WWOX: variants seen among roughly 807,000 people sequenced by gnomAD.
WWOX encodes the protein WW domain containing oxidoreductase.
In WWOX, 69 loss-of-function variants were observed where a neutral mutation model predicts 46.2. That is an observed-to-expected ratio of 1.49 (90% CI 1.23 to 1.82). The LOEUF (loss-of-function observed/expected upper bound fraction) is 1.82, where lower values mean the gene tolerates loss of function less well. Ranked by LOEUF, WWOX falls within the 40% of genes most tolerant of loss-of-function variation. The pLI, the probability that WWOX is intolerant of heterozygous loss-of-function variation, is 0.00. For synonymous variants in WWOX, 359 were observed against 202.6 expected (o/e 1.77, Z -6.56); for missense variants, 919 against 542.6 (o/e 1.69, Z -6.89).
intron 8 of WWOX, among the ~76,000 whole-genome samples, chr16:78,814,485 A>G (rs1006449455): frequency 1.3e-5 from 2 of 152,156 alleles, no homozygotes; most frequent in African/African-American, 4.8e-5. Flanking sequence ...AAAAAAAATT[A>G]AGTGAACCTC....
chr16:78,748,012 G>A (rs1196683268), intron 8 of WWOX, among the ~76,000 whole-genome samples: 1 of 152,160 alleles, frequency 6.6e-6, no homozygotes, highest in Non-Finnish European at 1.5e-5. Flanking sequence ...GTCCATCTGC[G>A]CCGAAGAGTA....
Position 78,365,367 on chromosome 16 carries a change from C to T in WWOX, c.517-21493C>T, listed in dbSNP as rs1297550441. On this transcript the variant is annotated intron_variant, in intron 5 of 8. Coordinates refer to ENST00000566780, the MANE Select transcript of WWOX (RefSeq NM_016373.4). ...TTTTTTACTTGCTGGATAGTGGGTTCTGTTTATTGAGAAATATTTACATCC... is the reference window on the plus strand; with the variant it reads ...TTTTTTACTTGCTGGATAGTGGGTTTTGTTTATTGAGAAATATTTACATCC... 2.6e-5 allele frequency among the ~76,000 whole-genome samples: 4 copies of T among 152,154 alleles called. No homozygotes were observed. The South Asian group carries it at 6.2e-4, about 24-fold the overall frequency.
chr16:78,331,228 TTCATGC>T (rs1555520903), intron 5 of WWOX, among the ~76,000 whole-genome samples: 2 of 152,238 alleles, frequency 1.3e-5, no homozygotes, highest in Non-Finnish European at 2.9e-5. Context: ...TGTTAGCTTC[TTCATGC>T]TTGCGTTTCT....
chr16:78,662,337 C>G (rs953508114), intron 8 of WWOX, among the ~76,000 whole-genome samples: 3 of 152,198 alleles, frequency 2.0e-5, no homozygotes, highest in African/African-American at 7.2e-5. Context: ...TCTGCATATA[C>G]AGGACTGGAA....
At chr16:78,927,257 G>C (rs963933081) in intron 8 of WWOX, among the ~76,000 whole-genome samples, 5 of 152,150 alleles carry the variant, frequency 3.3e-5, no homozygotes, top group African/African-American at 4.8e-5. Flanking sequence ...CATTTAGTCC[G>C]AGCTTCAGGG....
chr16:78,970,788 C>T (rs771809990), intron 8 of WWOX, among the ~76,000 whole-genome samples: 1 of 152,116 alleles, frequency 6.6e-6, no homozygotes, highest in Non-Finnish European at 1.5e-5. Flanking sequence ...GGCAACTAAA[C>T]CCAGCTTTTG....
intron 8 of WWOX, among the ~76,000 whole-genome samples, chr16:78,668,622 T>G (rs1357006111): frequency 6.6e-6 from 1 of 151,878 alleles, no homozygotes; most frequent in Non-Finnish European, 1.5e-5. Context: ...GGGGAACAGG[T>G]GAAGGAGTGA....
chr16:78,772,377 C>G (rs988272954), intron 8 of WWOX, among the ~76,000 whole-genome samples: 3 of 152,100 alleles, frequency 2.0e-5, no homozygotes, highest in African/African-American at 4.8e-5. Flanking sequence ...TGATCGCATT[C>G]TTTTATATGG....
chr16:78,202,348 C>A (rs2036257204), intron 5 of WWOX, among the ~76,000 whole-genome samples: 1 of 152,222 alleles, frequency 6.6e-6, no homozygotes, highest in Admixed American at 6.5e-5. Flanking sequence ...CATGCCTCAT[C>A]CTTCTGTTCC....
At chr16:78,184,757 G>T (rs1486914905) in intron 5 of WWOX, among the ~76,000 whole-genome samples, 1 of 152,186 alleles carries the variant, frequency 6.6e-6, no homozygotes, top group Non-Finnish European at 1.5e-5. Flanking sequence ...GGGTTATATA[G>T]CAGATGTGAT....
intron 6 of WWOX, among the ~76,000 whole-genome samples, chr16:78,388,519 C>T (rs1017236673): frequency 1.7e-4 from 26 of 151,946 alleles, no homozygotes; most frequent in Non-Finnish European, 8.8e-5. Flanking sequence ...TAGTGGTGCA[C>T]ACCTCTAGTC....
At chr16:78,817,821 C>T (rs967771714) in intron 8 of WWOX, among the ~76,000 whole-genome samples, 5 of 152,150 alleles carry the variant, frequency 3.3e-5, no homozygotes, top group African/African-American at 1.2e-4. Context: ...AGTCCAGTCA[C>T]CCCAGTGAAA....
chr16:78,969,061 T>C (rs1003810228), intron 8 of WWOX, among the ~76,000 whole-genome samples: 2 of 152,246 alleles, frequency 1.3e-5, no homozygotes, highest in Middle Eastern at 3.4e-3. Flanking sequence ...CCTTGTCTTG[T>C]TATTTCCTCC....
intron 8 of WWOX, among the ~76,000 whole-genome samples, chr16:78,602,798 G>C (rs990773882): frequency 3.9e-5 from 6 of 152,178 alleles, no homozygotes; most frequent in African/African-American, 1.4e-4. Context: ...ATTTAAGTCT[G>C]CTAAGAGTAG....
chr16:78,768,004 G>A (rs976222660), intron 8 of WWOX, among the ~76,000 whole-genome samples: 2 of 151,914 alleles, frequency 1.3e-5, no homozygotes, highest in African/African-American at 4.8e-5. Context: ...AAAAGAAAAC[G>A]GTAATTGAAA....
At chr16:78,731,272 A>C (rs929707173) in intron 8 of WWOX, among the ~76,000 whole-genome samples, 9 of 152,252 alleles carry the variant, frequency 5.9e-5, no homozygotes, top group Admixed American at 5.2e-4. Flanking sequence ...GACCCGAGGT[A>C]AGAATTTAGA....
At chr16:78,496,024 T>C (rs917551719) in intron 8 of WWOX, 9 of 152,228 alleles carry the variant, frequency 5.9e-5, no homozygotes, top group African/African-American at 1.2e-4. Context: ...TGCTGAACTA[T>C]GGAGTTTTAG....
intron 8 of WWOX, among the ~76,000 whole-genome samples, chr16:78,761,214 C>T (rs144882100): frequency 2.6e-5 from 4 of 152,032 alleles, no homozygotes; most frequent in African/African-American, 7.2e-5. Context: ...AGTTAATGGC[C>T]TCATCTTTTC....
chr16:79,035,298 C>G (rs953991066), intron 8 of WWOX, among the ~76,000 whole-genome samples: 1 of 152,156 alleles, frequency 6.6e-6, no homozygotes, highest in African/African-American at 2.4e-5. Flanking sequence ...CATCTCTAAT[C>G]CCTTTGATTT....
Sources: allele counts gnomAD v4.1 joint callset (sites outside exome capture counted in the v4.1 genomes callset), GRCh38; gene constraint gnomAD v4.1.1; transcripts MANE v1.5; gene names NCBI Gene and HGNC (gene_info 2026-07-23, HGNC 2026-07-21).